CUX2: variants seen among roughly 807,000 people sequenced by gnomAD.
CUX2 encodes homeobox protein cut-like 2.
In CUX2, 40 loss-of-function variants were observed where a neutral mutation model predicts 144.8. The observed-to-expected ratio is 0.28, with a 90% CI of 0.21 to 0.36. The LOEUF is 0.36. Among genes scored for constraint, CUX2 ranks in the 10% least tolerant of loss-of-function variants. CUX2 has a pLI of 1.00. For missense variants in CUX2, 1,615 were observed against 1,994.0 expected, an observed-to-expected ratio of 0.81 and a Z score of 3.62; for synonymous variants, 827 against 875.6, an observed-to-expected ratio of 0.94 and a Z score of 0.98.
intron 1 of CUX2, among the ~76,000 whole-genome samples, chr12:111,156,429 T>A (rs1877378495): frequency 6.6e-6 from 1 of 152,202 alleles, no homozygotes; most frequent in South Asian, 2.1e-4. Context: ...CTTTCCAGAA[T>A]GTTTGATTTT....
At chr12:111,133,674 A>C (rs908843875) in intron 1 of CUX2, among the ~76,000 whole-genome samples, 12 of 152,176 alleles carry the variant, frequency 7.9e-5, no homozygotes, top group African/African-American at 2.9e-4. Context: ...CCTGCTGGGA[A>C]TTCAGTCTAG....
intron 1 of CUX2, among the ~76,000 whole-genome samples, chr12:111,075,324 G>T (rs1385748448): frequency 6.6e-6 from 1 of 152,190 alleles, no homozygotes; most frequent in East Asian, 1.9e-4. Flanking sequence ...GGATGATTTT[G>T]CTTTGAGGAG....
chr12:111,220,782 T>G lies in CUX2; in HGVS notation c.222+2845T>G, dbSNP rs559861427. On this transcript the variant is annotated intron_variant, in intron 3 of 21. Transcript: ENST00000261726. ...AAAAAAAAAAAAAAAAAAAAAAAAT[T>G]TAAATGAGCTGGGCATGGTGGCTTG... 6.2e-3 allele frequency among the ~76,000 whole-genome samples: 436 copies of G among 70,884 alleles called. 6 individuals are homozygous for G. The highest frequency in any genetic ancestry group is 0.023 in the African/African-American group (418 of 18,282). The allele number at this position is 70,884 out of a possible 152,430, so 46.5% of individuals were successfully genotyped here.
At chr12:111,282,137 C>T (rs1363897762) in intron 4 of CUX2, among the ~76,000 whole-genome samples, 7 of 151,482 alleles carry the variant, frequency 4.6e-5, no homozygotes, top group African/African-American at 1.5e-4. Flanking sequence ...CTGGCTAACA[C>T]GGTGAAACCC....
At chr12:111,146,153 C>T (rs1876655682) in intron 1 of CUX2, among the ~76,000 whole-genome samples, 1 of 152,216 alleles carries the variant, frequency 6.6e-6, no homozygotes, top group African/African-American at 2.4e-5. Context: ...CCAAGTGGGA[C>T]ATGTGTTATA....
chr12:111,230,891 G>C (rs1183670665), intron 3 of CUX2, among the ~76,000 whole-genome samples: 2 of 152,196 alleles, frequency 1.3e-5, no homozygotes, highest in Admixed American at 1.3e-4. Flanking sequence ...GCTGGGAAGA[G>C]ATGTGCAGAA....
At chr12:111,296,139 G>T (rs1885976140) in intron 7 of CUX2, among the ~76,000 whole-genome samples, 1 of 152,038 alleles carries the variant, frequency 6.6e-6, no homozygotes, top group Non-Finnish European at 1.5e-5. Context: ...GTGTTGGGGG[G>T]CTTATACCCC....
At chr12:111,064,695 G>A (rs1002098716) in intron 1 of CUX2, among the ~76,000 whole-genome samples, 2 of 152,194 alleles carry the variant, frequency 1.3e-5, no homozygotes, top group Admixed American at 6.5e-5. Context: ...TGGAAGTGAG[G>A]CATAGAATTT....
At chr12:111,315,685 C>T (rs1887151458) in intron 16 of CUX2, among the ~76,000 whole-genome samples, 1 of 152,078 alleles carries the variant, frequency 6.6e-6, no homozygotes, top group Non-Finnish European at 1.5e-5. Context: ...CGCCATTGCA[C>T]TCCAGCCTGG....
At chr12:111,223,047 C>T (rs535520988) in intron 3 of CUX2, among the ~76,000 whole-genome samples, 8 of 152,164 alleles carry the variant, frequency 5.3e-5, no homozygotes, top group Non-Finnish European at 1.0e-4. Context: ...TTTTGCAGTA[C>T]CCGGAAGAAG....
chr12:111,110,017 A>C (rs1357745512), intron 1 of CUX2, among the ~76,000 whole-genome samples: 2 of 150,724 alleles, frequency 1.3e-5, no homozygotes, highest in African/African-American at 4.9e-5. Flanking sequence ...CTGGAACCAC[A>C]GGTGCCCACC....
intron 3 of CUX2, among the ~76,000 whole-genome samples, chr12:111,245,220 A>G (rs932710635): frequency 6.6e-6 from 1 of 151,770 alleles, no homozygotes; most frequent in African/African-American, 2.4e-5. Flanking sequence ...TGAGAAGGAG[A>G]GCAGAAAAAA....
Position 111,038,690 on chromosome 12 carries a change from T to C in CUX2, c.63+4450T>C, listed in dbSNP as rs75665596. The stretch of plus-strand genomic sequence containing the variant: ...TTGTAGTTTCTCAACTTGACAGAGA[T>C]TGCTTCTCAAAAACGGGCTCTCTCT... On this transcript the variant is annotated intron_variant, in intron 1 of 21. Coordinates refer to ENST00000261726, the MANE Select transcript of CUX2 (RefSeq NM_015267.4). 4.2e-3 allele frequency among the ~76,000 whole-genome samples: 639 copies of C among 152,358 alleles called. 4 individuals carry two copies. Among genetic ancestry groups the C allele is most frequent in the African/African-American group, 0.014 (601 of 41,588 alleles).
At position 111,344,047 on chromosome 12, in the gene CUX2, T is replaced by C. The variant is rs565004794; in HGVS notation, c.3659+1994T>C. Among the ~76,000 whole-genome samples the C allele has an allele frequency of 4.5e-4, 69 of 152,292 alleles. 1 individual carries two copies. The South Asian group carries it at 8.7e-3, about 19-fold the overall frequency. On this transcript the variant is annotated intron_variant, in intron 21 of 21. Coordinates refer to ENST00000261726, the MANE Select transcript of CUX2 (RefSeq NM_015267.4). ...CAGCCTGGGTGACAGAGTGAGACTC[T>C]GTCTCAAACAGATAAATAAATAAAA... is the stretch of plus-strand genomic sequence containing the variant.
intron 1 of CUX2, among the ~76,000 whole-genome samples, chr12:111,204,762 T>C (rs954801914): frequency 6.6e-6 from 1 of 152,188 alleles, no homozygotes; most frequent in Non-Finnish European, 1.5e-5. Flanking sequence ...TGAACTTTTG[T>C]AGTGCTGGTC....
At chr12:111,123,532 T>C (rs1874830217) in intron 1 of CUX2, among the ~76,000 whole-genome samples, 1 of 150,424 alleles carries the variant, frequency 6.6e-6, no homozygotes. Flanking sequence ...TTCTATACAT[T>C]AGCTCACTTA....
chr12:111,209,556 G>A (rs537656557), intron 1 of CUX2, among the ~76,000 whole-genome samples: 1 of 152,308 alleles, frequency 6.6e-6, no homozygotes, highest in East Asian at 1.9e-4. Context: ...AGGGACATGA[G>A]TGGTCAAAGT....
intron 3 of CUX2, among the ~76,000 whole-genome samples, chr12:111,254,744 G>A (rs1053848765): frequency 1.3e-5 from 2 of 152,204 alleles, no homozygotes; most frequent in Non-Finnish European, 2.9e-5. Flanking sequence ...ATGAATTAGT[G>A]ACTTACACTT....
Position 111,322,572 on chromosome 12 carries a change from C to T in CUX2, c.2918C>T (p.Ala973Val), listed in dbSNP as rs778967899. 2 of 1,608,540 alleles carry T rather than the reference C, an allele frequency of 1.2e-6. No individual in the cohort carries two copies. The highest frequency in any genetic ancestry group is 2.2e-5 in the East Asian group (1 of 44,822). The change falls in exon 18 of 22, where the codon GCC becomes GTC. Residue 973 changes from alanine to valine, a missense_variant. Physicochemically the swap from Ala to Val is moderately conservative, Grantham distance 64. Coordinates refer to ENST00000261726, the MANE Select transcript of CUX2 (RefSeq NM_015267.4). This position sits in a 1 kb window ranked among gnomAD's most constrained non-coding sequence, Gnocchi z 4.2. The part of the protein sequence containing the change: ...LGQAVGQQPG[A>V]SQASPTEPRS... The stretch of plus-strand genomic sequence containing the variant: ...CAGGCAGTGGGCCAGCAGCCTGGTG[C>T]CTCCCAGGGTGAGTGCGGGCAGGAG...
Sources: allele counts gnomAD v4.1 joint callset (sites outside exome capture counted in the v4.1 genomes callset), GRCh38; gene constraint gnomAD v4.1.1; non-coding constraint Gnocchi (gnomAD v3.1); transcripts MANE v1.5; gene names NCBI Gene and HGNC (gene_info 2026-07-23, HGNC 2026-07-21).